The following PSD3 variants were observed in gnomAD, a reference collection of about 807,000 sequenced individuals.
PSD3 encodes the protein PH and SEC7 domain-containing protein 3.
In PSD3, 49 loss-of-function variants were observed where a neutral mutation model predicts 105.5. The ratio of observed to expected loss-of-function variants is 0.46; its 90% CI spans 0.37 to 0.59. PSD3 has a LOEUF of 0.59. Among genes scored for constraint, PSD3 ranks in the 20% least tolerant of loss-of-function variants. The pLI, the probability that PSD3 is intolerant of heterozygous loss-of-function variation, is 0.00. For missense variants in PSD3, 1,561 were observed against 1,263.8 expected (o/e 1.24, Z -3.57); for synonymous variants, 557 against 457.8 (o/e 1.22, Z -2.77).
At chr8:18,670,532 G>A (rs1175420220) in intron 9 of PSD3, among the ~76,000 whole-genome samples, 1 of 152,040 alleles carries the variant, frequency 6.6e-6, no homozygotes, top group African/African-American at 2.4e-5. Flanking sequence ...AGGCAGTGGC[G>A]GATTAGGGAC....
At chr8:18,721,232 T>C (rs1802949889) in intron 9 of PSD3, 1 of 151,924 alleles carries the variant, frequency 6.6e-6, no homozygotes, top group African/African-American at 2.4e-5. Flanking sequence ...CAATCACTGA[T>C]TTCTCTTTAA....
At chr8:18,666,081 G>T (rs1381950499) in intron 9 of PSD3, among the ~76,000 whole-genome samples, 1 of 152,028 alleles carries the variant, frequency 6.6e-6, no homozygotes, top group Non-Finnish European at 1.5e-5. Flanking sequence ...AGACAGTCTT[G>T]TGTGTCACCC....
chr8:18,852,076 T>G lies in PSD3; in HGVS notation c.1634+15598A>C, dbSNP rs79119483. 1.6e-3 allele frequency among the ~76,000 whole-genome samples: 243 copies of G among 152,266 alleles called. 4 individuals carry two copies. The East Asian group carries it at 0.045, about 28-fold the overall frequency. On this transcript the variant is annotated intron_variant, in intron 4 of 15. Transcript: ENST00000327040. The stretch of plus-strand genomic sequence containing the variant: ...TTAAATGTAAGACCTTTATAAAGTA[T>G]AACAAGATTCTTATTTACAAATTTT...
At chr8:18,710,738 G>C (rs1802202233) in intron 9 of PSD3, among the ~76,000 whole-genome samples, 1 of 152,054 alleles carries the variant, frequency 6.6e-6, no homozygotes, top group Non-Finnish European at 1.5e-5. Flanking sequence ...CTGGAGTGCA[G>C]TGGCGTGATT....
In PSD3 at chr8:18,700,266, T is replaced by C. The variant is rs191656913; in HGVS notation, c.2173-44581A>G. Among the ~76,000 whole-genome samples, 532 of 152,316 alleles carry C rather than the reference T, an allele frequency of 3.5e-3. 1 individual carries two copies. Among genetic ancestry groups the C allele is most frequent in the Non-Finnish European group, 5.7e-3 (387 of 68,030 alleles). On this transcript the variant is annotated intron_variant, in intron 9 of 15. Coordinates refer to ENST00000327040, the MANE Select transcript of PSD3 (RefSeq NM_015310.4). Reference sequence around the variant, plus strand: ...CAGACCTCCTAATCACTTAATTAGATGTACTTTAAAAGGTACATAAAGTCC... The same window carrying C: ...CAGACCTCCTAATCACTTAATTAGACGTACTTTAAAAGGTACATAAAGTCC...
intron 2 of PSD3, among the ~76,000 whole-genome samples, chr8:18,889,885 G>A (rs946095972): frequency 1.3e-5 from 2 of 152,062 alleles, no homozygotes; most frequent in African/African-American, 4.8e-5. Context: ...TTCCAGACTC[G>A]AAAGTCACTA....
At chr8:18,932,876 T>C (rs935061853) in intron 2 of PSD3, among the ~76,000 whole-genome samples, 4 of 152,206 alleles carry the variant, frequency 2.6e-5, no homozygotes, top group African/African-American at 9.6e-5. Flanking sequence ...ACTCTAATAT[T>C]CAGAATTCTA....
At chr8:18,705,717 G>C (rs1223526784) in intron 9 of PSD3, among the ~76,000 whole-genome samples, 1 of 151,938 alleles carries the variant, frequency 6.6e-6, no homozygotes, top group African/African-American at 2.4e-5. Flanking sequence ...TATTAAAAAA[G>C]TCTTAAAGAA....
chr8:19,061,288 C>G (rs918866327), intron 1 of PSD3, among the ~76,000 whole-genome samples: 8 of 151,880 alleles, frequency 5.3e-5, no homozygotes, highest in Non-Finnish European at 8.8e-5. Flanking sequence ...GGTCAAGATC[C>G]TTATAATTAG....
intron 12 of PSD3, among the ~76,000 whole-genome samples, chr8:18,586,697 C>A (rs1001495974): frequency 1.4e-4 from 21 of 152,116 alleles, no homozygotes; most frequent in African/African-American, 5.1e-4. Flanking sequence ...TTCATTTAAT[C>A]AGGGAAGCAG....
At chr8:18,701,384 C>A (rs1033508465) in intron 9 of PSD3, among the ~76,000 whole-genome samples, 3 of 152,266 alleles carry the variant, frequency 2.0e-5, no homozygotes, top group South Asian at 2.1e-4. Context: ...AAGTCTCATT[C>A]AGCTTGCTAT....
rs147652641 is a variant in PSD3 at position 18,790,898 on chromosome 8, T to C, written c.2082+8397A>G. Among the ~76,000 whole-genome samples the C allele has an allele frequency of 1.1e-4, 17 of 152,212 alleles. No individual in the cohort carries two copies. In the East Asian group the frequency reaches 1.9e-3, roughly 17 times the overall value. On this transcript the variant is annotated intron_variant, in intron 8 of 15. Coordinates refer to ENST00000327040, the MANE Select transcript of PSD3 (RefSeq NM_015310.4). ...CGAAGTCTCAGGATACAAAGATCAA[T>C]GTGCAAAAATCACTAGCATTCCTAC...
chr8:18,752,598 TATTATATATAATAC>T (rs1196401945), intron 9 of PSD3, among the ~76,000 whole-genome samples: 107 of 84,920 alleles, frequency 1.3e-3, no homozygotes, highest in Non-Finnish European at 1.9e-3. Context: ...ATATATTATA[TATTATATATAATAC>T]ATATAATATA....
At chr8:19,035,196 T>C (rs925979371) in intron 1 of PSD3, among the ~76,000 whole-genome samples, 1 of 152,232 alleles carries the variant, frequency 6.6e-6, no homozygotes, top group African/African-American at 2.4e-5. Context: ...GTAATTATCA[T>C]CTTAAACATA....
At chr8:18,807,468 C>G (rs1245707351) in intron 4 of PSD3, among the ~76,000 whole-genome samples, 1 of 152,172 alleles carries the variant, frequency 6.6e-6, no homozygotes, top group African/African-American at 2.4e-5. Context: ...GTAAAAATGT[C>G]AACTCACACA....
At chr8:18,708,517 A>G (rs541653851) in intron 9 of PSD3, among the ~76,000 whole-genome samples, 27 of 152,284 alleles carry the variant, frequency 1.8e-4, no homozygotes, top group South Asian at 4.1e-4. Context: ...GCCATCACTT[A>G]TAAGTTACAG....
chr8:19,001,610 C>T (rs1814301304), intron 1 of PSD3: 2 of 151,952 alleles, frequency 1.3e-5, no homozygotes, highest in Admixed American at 6.6e-5. Flanking sequence ...GACTGGCTAA[C>T]AAGTGGAGAT....
At chr8:18,767,809 A>C (rs1020133361) in intron 8 of PSD3, among the ~76,000 whole-genome samples, 1 of 152,080 alleles carries the variant, frequency 6.6e-6, no homozygotes, top group African/African-American at 2.4e-5. Flanking sequence ...ATATACCTGC[A>C]TACACTACTA....
intron 1 of PSD3, among the ~76,000 whole-genome samples, chr8:19,010,591 G>A (rs76928113): frequency 0.095 from 14,448 of 152,030 alleles, 888 homozygotes; most frequent in Non-Finnish European, 0.14. Context: ...ACTTAATTTG[G>A]AGCTTGTGAA....
Sources: allele counts gnomAD v4.1 joint callset (sites outside exome capture counted in the v4.1 genomes callset), GRCh38; gene constraint gnomAD v4.1.1; transcripts MANE v1.5; gene names NCBI Gene and HGNC (gene_info 2026-07-23, HGNC 2026-07-21).